Variants in ERI3 observed in about 807,000 individuals in gnomAD.
ERI3 encodes ERI1 exoribonuclease 3.
ERI3 carries 18 observed loss-of-function variants against 44.4 expected under a neutral mutation model. The observed-to-expected ratio is 0.41, with a 90% confidence interval of 0.28 to 0.60. The LOEUF (loss-of-function observed/expected upper bound fraction) is 0.60, where lower values mean the gene tolerates loss of function less well. ERI3 is among the 20% of genes least tolerant of loss of function. ERI3 has a pLI of 0.36. For missense variants in ERI3, 294 were observed against 435.5 expected, an observed-to-expected ratio of 0.68 and a Z score of 2.89; for synonymous variants, 183 against 164.8, an observed-to-expected ratio of 1.11 and a Z score of -0.84.
intron 4 of ERI3, 147 bp downstream of exon 4, chr1:44,319,481 T>G: frequency 1.7e-6 from 1 of 598,800 alleles, no homozygotes; most frequent in East Asian, 2.7e-5. Context: ...AGTGGCAGAC[T>G]TCATAAAACC....
intron 3 of ERI3, among the ~76,000 whole-genome samples, chr1:44,334,875 A>C (rs1348172585): frequency 6.6e-6 from 1 of 152,260 alleles, no homozygotes; most frequent in African/African-American, 2.4e-5. Flanking sequence ...AGATAGTCCC[A>C]ATAAGCTGAC....
Position 44,221,463 on chromosome 1 carries a change from A to G in ERI3, c.*95T>C, listed in dbSNP as rs145128455. The G allele has an allele frequency of 5.8e-5, 61 of 1,043,532 alleles. No homozygotes were observed. In the African/African-American group the frequency reaches 8.8e-4, roughly 15 times the overall value. 64.6% of individuals were successfully genotyped at this position (1,043,532 alleles called of 1,614,324 possible). On this transcript the variant is annotated 3_prime_UTR_variant, in exon 9 of 9. Coordinates refer to ENST00000372257, the MANE Select transcript of ERI3 (RefSeq NM_024066.3). The surrounding 1 kb of genome is among the most constrained non-coding windows in gnomAD (Gnocchi z 5.9). The stretch of plus-strand genomic sequence containing the variant: ...CTGGGGACACTCTGGACACAGAGCT[A>G]TGCCACTCTCCCTCTTCCCCTCTGG...
intron 8 of ERI3, among the ~76,000 whole-genome samples, chr1:44,223,916 T>C (rs956513318): frequency 2.6e-5 from 4 of 152,202 alleles, no homozygotes; most frequent in African/African-American, 7.2e-5. Flanking sequence ...ACACCACATA[T>C]TCCTGAACAT....
chr1:44,348,532 A>C (rs1405265953), intron 2 of ERI3, among the ~76,000 whole-genome samples: 1 of 152,222 alleles, frequency 6.6e-6, no homozygotes, highest in Non-Finnish European at 1.5e-5. Context: ...ACAATTTTGA[A>C]CACATCAAAG....
At chr1:44,272,582 C>T (rs1284009304) in intron 7 of ERI3, among the ~76,000 whole-genome samples, 1 of 152,168 alleles carries the variant, frequency 6.6e-6, no homozygotes, top group Non-Finnish European at 1.5e-5. Context: ...TGGCTCACAC[C>T]TGTAATCCCA....
At chr1:44,320,165 A>G (rs1423796339) in intron 3 of ERI3, among the ~76,000 whole-genome samples, 2 of 152,344 alleles carry the variant, frequency 1.3e-5, no homozygotes, top group East Asian at 3.9e-4. Flanking sequence ...ACCAATGCAT[A>G]GATTTCCTTG....
intron 7 of ERI3, among the ~76,000 whole-genome samples, chr1:44,254,787 C>T (rs1319134675): frequency 6.6e-6 from 1 of 151,938 alleles, no homozygotes; most frequent in Non-Finnish European, 1.5e-5. Context: ...GCTCCTTCAC[C>T]TCCCCTGTTC....
chr1:44,245,771 A>G (rs1408865164), intron 8 of ERI3, among the ~76,000 whole-genome samples: 3 of 152,178 alleles, frequency 2.0e-5, no homozygotes, highest in African/African-American at 7.2e-5. Flanking sequence ...CCCTTCTCAC[A>G]CACACACCCT....
At chr1:44,345,186 T>C (rs755854878) in intron 2 of ERI3, among the ~76,000 whole-genome samples, 5 of 152,206 alleles carry the variant, frequency 3.3e-5, no homozygotes, top group African/African-American at 1.2e-4. Context: ...CTTGGGTAAA[T>C]AGACATTTTA....
intron 8 of ERI3, among the ~76,000 whole-genome samples, chr1:44,246,899 C>A (rs78700439): frequency 4.5e-4 from 69 of 152,278 alleles, no homozygotes; most frequent in South Asian, 8.3e-4. Flanking sequence ...AGTCCCCCCC[C>A]ACAATGATGC....
At chr1:44,248,641 A>G (rs943574549) in intron 7 of ERI3, among the ~76,000 whole-genome samples, 9 of 151,752 alleles carry the variant, frequency 5.9e-5, no homozygotes, top group Non-Finnish European at 8.8e-5. Context: ...CACTTGGTCA[A>G]CTCAAGCAGC....
intron 3 of ERI3, among the ~76,000 whole-genome samples, chr1:44,332,396 G>A (rs1646448717): frequency 6.6e-6 from 1 of 152,114 alleles, no homozygotes; most frequent in Non-Finnish European, 1.5e-5. Flanking sequence ...ACTAAATTAT[G>A]TGGTGATTTT....
chr1:44,343,724 T>C (rs919484839), intron 2 of ERI3, among the ~76,000 whole-genome samples: 2 of 152,202 alleles, frequency 1.3e-5, no homozygotes, highest in African/African-American at 2.4e-5. Flanking sequence ...CCAAGGTTTA[T>C]ATAGAGGTTT....
chr1:44,273,046 C>T (rs1429959443), intron 7 of ERI3, among the ~76,000 whole-genome samples: 2 of 152,062 alleles, frequency 1.3e-5, no homozygotes, highest in African/African-American at 2.4e-5. Context: ...ACTCTGTCTG[C>T]CTACTTCTCT....
intron 7 of ERI3, among the ~76,000 whole-genome samples, chr1:44,271,221 C>T (rs1324450940): frequency 6.6e-6 from 1 of 152,216 alleles, no homozygotes; most frequent in East Asian, 1.9e-4. Context: ...CCTCTTTCTC[C>T]AGTAAAAGCA....
chr1:44,258,365 C>T (rs1644821730), intron 7 of ERI3, among the ~76,000 whole-genome samples: 1 of 152,182 alleles, frequency 6.6e-6, no homozygotes, highest in Admixed American at 6.5e-5. Context: ...ACCCAGCCAC[C>T]CCTCACATAC....
intron 3 of ERI3, among the ~76,000 whole-genome samples, chr1:44,332,410 A>G (rs1281148718): frequency 1.3e-5 from 2 of 152,138 alleles, no homozygotes; most frequent in Non-Finnish European, 2.9e-5. Flanking sequence ...TGATTTTGTT[A>G]CCAGTGACCC....
At chr1:44,347,515 C>T (rs1462300013) in intron 2 of ERI3, among the ~76,000 whole-genome samples, 2 of 152,196 alleles carry the variant, frequency 1.3e-5, no homozygotes, top group Non-Finnish European at 2.9e-5. Context: ...TTGGAATGCA[C>T]TTCCATTTTT....
chr1:44,227,156 G>T (rs1375474497), intron 8 of ERI3, among the ~76,000 whole-genome samples: 3 of 152,178 alleles, frequency 2.0e-5, no homozygotes, highest in African/African-American at 7.2e-5. Context: ...GTGGCCTAAA[G>T]GAACATGCAG....
Sources: gnomAD v4.1 joint callset for allele counts (sites outside exome capture counted in the v4.1 genomes callset) on GRCh38, gnomAD v4.1.1 for gene constraint, Gnocchi (gnomAD v3.1) non-coding constraint, MANE v1.5 for transcripts, NCBI Gene and HGNC (gene_info 2026-07-23, HGNC 2026-07-21) for gene names.